Variants in SYCP2L observed in about 807,000 individuals in gnomAD.
The protein encoded by SYCP2L is synaptonemal complex protein 2 like.
SYCP2L carries 98 observed loss-of-function variants against 125.8 expected under a neutral mutation model. That is an observed-to-expected ratio of 0.78 (90% CI 0.66 to 0.92). The LOEUF (loss-of-function observed/expected upper bound fraction) is 0.92, where lower values mean the gene tolerates loss of function less well. Ranked by LOEUF, SYCP2L falls within the 40% of genes least tolerant of loss-of-function variation. The probability of loss-of-function intolerance (pLI) is 0.00; values close to 1 mark genes in which losing one functional copy is unlikely to be tolerated. For missense variants in SYCP2L, 842 were observed against 936.4 expected, an observed-to-expected ratio of 0.90 and a Z score of 1.32; for synonymous variants, 317 against 325.4, an observed-to-expected ratio of 0.97 and a Z score of 0.28.
rs1161802697 is a variant in SYCP2L, at chr6:10,924,208, A to G, written c.1073-288A>G. Among the ~76,000 whole-genome samples, 3 of 152,240 alleles carry G rather than the reference A, an allele frequency of 2.0e-5. No individual in the cohort carries two copies. The East Asian group carries it at 5.8e-4, about 29-fold the overall frequency. ...TGTATAAACAAAATGCTCTTAAAAA[A>G]ACTGAATTGCAGAAGACAAAACTAT... On this transcript the variant is annotated intron_variant, in intron 14 of 29. Coordinates refer to ENST00000283141, the MANE Select transcript of SYCP2L (RefSeq NM_001040274.3).
intron 19 of SYCP2L, 136 bp downstream of exon 19, chr6:10,930,650 C>T: frequency 9.7e-7 from 1 of 1,032,228 alleles, no homozygotes. Context: ...GCTACAGTTA[C>T]ACTGGAAAGG....
chr6:10,923,683 C>CTTT (rs372980518), intron 14 of SYCP2L, among the ~76,000 whole-genome samples: 4 of 122,364 alleles, frequency 3.3e-5, no homozygotes, highest in Admixed American at 8.9e-5. Flanking sequence ...TTTTCTTTTT[C>CTTT]TTTTTTTTTT....
At chr6:10,956,281 A>AG in intron 25 of SYCP2L, 39 bp downstream of exon 25, 1 of 1,411,618 alleles carries the variant, frequency 7.1e-7, no homozygotes, top group Non-Finnish European at 1.0e-6. Flanking sequence ...GAGCGTTATG[A>AG]ATCTGGAGGA....
In SYCP2L at chr6:10,887,083, C is replaced by A. The variant is rs757821829; in HGVS notation, c.-44C>A. 1 of 1,613,948 alleles carries A rather than the reference C, an allele frequency of 6.2e-7. No homozygotes were observed. Among genetic ancestry groups the A allele is most frequent in the South Asian group, 1.1e-5 (1 of 91,042 alleles). ...GCAGGAGAGGGCCGACCGAGCGCAA[C>A]AAAGCTGAGCGGCGCGTCGCTTCAG... On this transcript the variant is annotated 5_prime_UTR_variant, in exon 1 of 30. Transcript: ENST00000283141.
At chr6:10,928,621 C>T (rs983160715) in intron 18 of SYCP2L, among the ~76,000 whole-genome samples, 171 bp downstream of exon 18, 2 of 152,184 alleles carry the variant, frequency 1.3e-5, no homozygotes, top group African/African-American at 4.8e-5. Flanking sequence ...TCACCGTGGC[C>T]TCAGCCTCCC....
chr6:10,951,480 C>T (rs1197512583), intron 23 of SYCP2L, among the ~76,000 whole-genome samples: 1 of 152,146 alleles, frequency 6.6e-6, no homozygotes, highest in Non-Finnish European at 1.5e-5. Flanking sequence ...GCTTGATTCG[C>T]TATTTAAGCA....
At chr6:10,926,481 G>C in intron 16 of SYCP2L, 49 bp downstream of exon 16, 5 of 1,448,820 alleles carry the variant, frequency 3.5e-6, no homozygotes, top group Non-Finnish European at 3.9e-6. Context: ...CTGTAAAAGC[G>C]ATGAAACCTT....
intron 20 of SYCP2L, among the ~76,000 whole-genome samples, chr6:10,933,702 A>G (rs1050369712): frequency 2.8e-4 from 43 of 152,208 alleles, no homozygotes; most frequent in Non-Finnish European, 5.9e-4. Context: ...AATTAAAAAG[A>G]GAAGCTCAAT....
At chr6:10,913,989 G>T (rs1780648401) in intron 14 of SYCP2L, among the ~76,000 whole-genome samples, 1 of 151,964 alleles carries the variant, frequency 6.6e-6, no homozygotes, top group Non-Finnish European at 1.5e-5. Flanking sequence ...GTGCCACCAT[G>T]CCTGGCTAAT....
intron 23 of SYCP2L, among the ~76,000 whole-genome samples, chr6:10,953,295 T>C (rs1420565769): frequency 1.3e-5 from 2 of 152,228 alleles, no homozygotes; most frequent in Admixed American, 6.5e-5. Context: ...CTAAATATAT[T>C]AACTGCTATT....
At chr6:10,891,608 T>G (rs1444551816) in intron 2 of SYCP2L, 27 bp downstream of exon 2, 1 of 458,984 alleles carries the variant, frequency 2.2e-6, no homozygotes, top group Non-Finnish European at 3.6e-6. Flanking sequence ...TTTTATAATC[T>G]CTCTCTGTGT....
intron 23 of SYCP2L, among the ~76,000 whole-genome samples, chr6:10,944,710 T>C (rs1171314512): frequency 1.3e-5 from 2 of 152,034 alleles, no homozygotes; most frequent in Non-Finnish European, 2.9e-5. Flanking sequence ...ATATTATTTT[T>C]TATTTTTTAA....
chr6:10,962,617 T>A (rs1487183770), intron 28 of SYCP2L, among the ~76,000 whole-genome samples: 2 of 150,166 alleles, frequency 1.3e-5, no homozygotes, highest in Non-Finnish European at 3.0e-5. Context: ...TTGAGACAGA[T>A]TTTTAAAAAT....
In SYCP2L at chr6:10,902,724, G is replaced by A. The variant is rs1291749204; in HGVS notation, c.514G>A (p.Val172Met). ...DSFLLSLGFL[V>M]TEKTVNHLLQ... ...CTTCCTACTTAGCTTAGGATTCCTG[G>A]TGACAGAAAAGACTGTAAATCATTT... Residue 172 changes from valine (V) to methionine (M), a missense_variant, in exon 7 of 30, where the codon GTG becomes ATG. By Grantham distance (21) the Val-to-Met change is conservative (BLOSUM62 1). Coordinates refer to ENST00000283141, the MANE Select transcript of SYCP2L (RefSeq NM_001040274.3). The A allele has an allele frequency of 5.6e-6, 9 of 1,614,004 alleles. No homozygotes were observed. Among genetic ancestry groups the A allele is most frequent in the Non-Finnish European group, 7.6e-6 (9 of 1,180,022 alleles).
chr6:10,900,855 G>A (rs1402886915), intron 6 of SYCP2L, among the ~76,000 whole-genome samples: 1 of 152,178 alleles, frequency 6.6e-6, no homozygotes, highest in African/African-American at 2.4e-5. Context: ...CACCTTAGCG[G>A]GGCTGGCCTC....
chr6:10,974,026 C>G lies in SYCP2L; in HGVS notation c.*112C>G, dbSNP rs1275156254. On this transcript the variant is annotated 3_prime_UTR_variant, in exon 30 of 30. Coordinates refer to ENST00000283141, the MANE Select transcript of SYCP2L (RefSeq NM_001040274.3). Reference sequence around the variant, plus strand: ...GGCCTTGTTAGCCAGACTTCGTGCTCTGTACGCATTCAATTTCCTCCCCTC... The same window carrying G: ...GGCCTTGTTAGCCAGACTTCGTGCTGTGTACGCATTCAATTTCCTCCCCTC... 1 of 152,248 alleles carries G rather than the reference C, an allele frequency of 6.6e-6. No individual in the cohort carries two copies. Among genetic ancestry groups the G allele is most frequent in the Non-Finnish European group, 1.5e-5 (1 of 68,064 alleles). 9.4% of individuals were successfully genotyped at this position (152,248 alleles called of 1,614,324 possible). A position where few individuals can be genotyped will look rare whatever the true frequency, so the allele number is the denominator to read the frequency against.
In SYCP2L at chr6:10,914,746, T is replaced by G. The variant is rs6917850; in HGVS notation, c.1072+1819T>G. Among the ~76,000 whole-genome samples, 514 of 111,494 alleles carry G rather than the reference T, an allele frequency of 4.6e-3. 2 individuals carry two copies. Among genetic ancestry groups the G allele is most frequent in the Middle Eastern group, 0.01 (2 of 200 alleles). 73.1% of individuals were successfully genotyped at this position (111,494 alleles called of 152,430 possible). A position where few individuals can be genotyped will look rare whatever the true frequency, so the allele number is the denominator to read the frequency against. On this transcript the variant is annotated intron_variant, in intron 14 of 29. Transcript: ENST00000283141. ...GTTAGGTATATCCCTAAGTTTTTTT[T>G]TTTTTTTTTTTTTGGAGATGGAGTC... is the stretch of plus-strand genomic sequence containing the variant.
At chr6:10,942,063 C>T (rs1284428717) in intron 21 of SYCP2L, among the ~76,000 whole-genome samples, 1 of 131,676 alleles carries the variant, frequency 7.6e-6, no homozygotes, top group African/African-American at 2.7e-5. Context: ...TGAAAAACAC[C>T]ACATGTTCTC....
Position 10,930,368 on chromosome 6 carries a change from A to G in SYCP2L, c.1489-2A>G, listed in dbSNP as rs771225562. ...ATTCTCATTTATGATCTGTGCTTGTAGAAGTCTCATTACAGAAAACATCTC... is the reference window on the plus strand; with the variant it reads ...ATTCTCATTTATGATCTGTGCTTGTGGAAGTCTCATTACAGAAAACATCTC... On this transcript the variant is annotated splice_acceptor_variant, in intron 18 of 29. Coordinates refer to ENST00000283141, the MANE Select transcript of SYCP2L (RefSeq NM_001040274.3). LOFTEE classifies it high-confidence loss of function. 2 of 1,611,386 alleles carry G rather than the reference A, an allele frequency of 1.2e-6. No homozygotes were observed. The highest frequency in any genetic ancestry group is 1.7e-6 in the Non-Finnish European group (2 of 1,179,206).
Sources: allele counts gnomAD v4.1 joint callset (sites outside exome capture counted in the v4.1 genomes callset), GRCh38; gene constraint gnomAD v4.1.1; transcripts MANE v1.5; gene names NCBI Gene and HGNC (gene_info 2026-07-23, HGNC 2026-07-21).